CDH13: variants seen among roughly 807,000 people sequenced by gnomAD.
The protein encoded by CDH13 is cadherin-13.
Under a neutral mutation model 63.8 loss-of-function variants are expected in CDH13, and 24 were observed. That is an observed-to-expected ratio of 0.38 (90% CI 0.27 to 0.53). CDH13 has a LOEUF of 0.53. CDH13 is among the 20% of genes least tolerant of loss of function. The pLI is 0.85. For synonymous variants in CDH13, 503 were observed against 355.3 expected, an observed-to-expected ratio of 1.42 and a Z score of -4.67; for missense variants, 1,049 against 903.1, an observed-to-expected ratio of 1.16 and a Z score of -2.07.
intron 6 of CDH13, among the ~76,000 whole-genome samples, chr16:83,419,914 CT>C (rs59585439): frequency 0.045 from 5,496 of 122,656 alleles, 118 homozygotes; most frequent in Middle Eastern, 0.061. Context: ...ATCGTCCAAT[CT>C]TTTTTTTTTT....
At chr16:83,178,584 A>T (rs111236886) in intron 4 of CDH13, among the ~76,000 whole-genome samples, 1 of 152,154 alleles carries the variant, frequency 6.6e-6, no homozygotes, top group Non-Finnish European at 1.5e-5. Flanking sequence ...TTGAAATTCA[A>T]TTTTCCATTT....
chr16:83,212,650 A>T (rs1330651812), intron 4 of CDH13, among the ~76,000 whole-genome samples: 1 of 152,234 alleles, frequency 6.6e-6, no homozygotes, highest in African/African-American at 2.4e-5. Context: ...TCCAAACAGT[A>T]GCGGTGGAAA....
At chr16:83,284,075 C>T (rs915881254) in intron 5 of CDH13, among the ~76,000 whole-genome samples, 1 of 152,188 alleles carries the variant, frequency 6.6e-6, no homozygotes, top group South Asian at 2.1e-4. Flanking sequence ...TGTGTGTTAT[C>T]AAACACAGTA....
chr16:83,399,164 C>G (rs750150033), intron 6 of CDH13, among the ~76,000 whole-genome samples: 1 of 152,198 alleles, frequency 6.6e-6, no homozygotes, highest in Non-Finnish European at 1.5e-5. Context: ...ATTCTGGACT[C>G]AGATCCTGAA....
In CDH13 at chr16:83,368,884, TTATATATA is replaced by T. The variant is rs150563585; in HGVS notation, c.781+23925_781+23932del. On this transcript the variant is annotated intron_variant, in intron 6 of 13. Transcript: ENST00000567109. Reference sequence around the variant, plus strand: ...TATGGCTGAGTAGTAGTATTCCATGTTATATATATATATATATATATATATATATATAT... The same window carrying T: ...TATGGCTGAGTAGTAGTATTCCATGTTATATATATATATATATATATATAT... Among the ~76,000 whole-genome samples, 52 of 47,622 alleles carry T rather than the reference TTATATATA, an allele frequency of 1.1e-3. 1 individual carries two copies. The highest frequency in any genetic ancestry group is 7.5e-3 in the East Asian group (3 of 398). The allele number at this position is 47,622 out of a possible 152,430, so 31.2% of individuals were successfully genotyped here.
At chr16:83,397,246 C>G (rs1359619601) in intron 6 of CDH13, 1 of 152,160 alleles carries the variant, frequency 6.6e-6, no homozygotes, top group African/African-American at 2.4e-5. Flanking sequence ...AGGGGATACA[C>G]CCTCTTAATC....
chr16:83,103,217 T>C (rs1469501280), intron 3 of CDH13, among the ~76,000 whole-genome samples: 1 of 148,694 alleles, frequency 6.7e-6, no homozygotes. Flanking sequence ...CCTCCCAAAG[T>C]ACTGAGATTA....
At chr16:83,497,743 A>G (rs1209383376) in intron 7 of CDH13, among the ~76,000 whole-genome samples, 1 of 152,190 alleles carries the variant, frequency 6.6e-6, no homozygotes, top group East Asian at 1.9e-4. Context: ...GATTTGACCA[A>G]CGGGCCATAG....
chr16:83,482,128 A>C (rs2073783439), intron 6 of CDH13, among the ~76,000 whole-genome samples: 1 of 152,200 alleles, frequency 6.6e-6, no homozygotes, highest in African/African-American at 2.4e-5. Context: ...CACGTTGCTC[A>C]GTTGTTCATT....
intron 4 of CDH13, among the ~76,000 whole-genome samples, chr16:83,185,812 T>G (rs2038499308): frequency 6.6e-6 from 1 of 152,240 alleles, no homozygotes; most frequent in Non-Finnish European, 1.5e-5. Flanking sequence ...TCATTCCACA[T>G]TCTCCTGCCA....
intron 6 of CDH13, among the ~76,000 whole-genome samples, chr16:83,440,141 GA>G (rs1229712165): frequency 1.3e-5 from 2 of 152,120 alleles, no homozygotes; most frequent in African/African-American, 4.8e-5. Flanking sequence ...TGGGGATGGA[GA>G]AAAAGGGAAA....
chr16:83,335,811 G>A (rs1046435306), intron 5 of CDH13, among the ~76,000 whole-genome samples: 1 of 152,058 alleles, frequency 6.6e-6, no homozygotes, highest in East Asian at 1.9e-4. Context: ...AATCGATCAC[G>A]ACCCTCTCAC....
chr16:83,619,081 C>T (rs1054918189), intron 8 of CDH13, among the ~76,000 whole-genome samples: 3 of 152,200 alleles, frequency 2.0e-5, no homozygotes, highest in African/African-American at 4.8e-5. Context: ...TGTGTGCCTG[C>T]GTTTGTGTAT....
chr16:83,079,606 A>G (rs1055191910), intron 3 of CDH13, among the ~76,000 whole-genome samples: 1 of 152,242 alleles, frequency 6.6e-6, no homozygotes, highest in Admixed American at 6.5e-5. Context: ...ATTAGGTGCT[A>G]CTTGGTTCTC....
chr16:83,658,641 C>G (rs1251932786), intron 8 of CDH13, among the ~76,000 whole-genome samples: 1 of 151,254 alleles, frequency 6.6e-6, no homozygotes, highest in Non-Finnish European at 1.5e-5. Flanking sequence ...GTCTCATGTC[C>G]TCACCACCAG....
At chr16:83,440,200 C>A (rs149902908) in intron 6 of CDH13, among the ~76,000 whole-genome samples, 151 of 152,318 alleles carry the variant, frequency 9.9e-4, no homozygotes, top group Middle Eastern at 3.4e-3. Flanking sequence ...AATGTGGCAG[C>A]ATTAGATGTG....
At chr16:83,793,898 T>G (rs1211639306) in intron 13 of CDH13, among the ~76,000 whole-genome samples, 1 of 151,912 alleles carries the variant, frequency 6.6e-6, no homozygotes, top group Non-Finnish European at 1.5e-5. Flanking sequence ...CAGGTGAGCC[T>G]GATATAATCA....
chr16:83,350,376 T>C (rs1245270785), intron 6 of CDH13, among the ~76,000 whole-genome samples: 1 of 152,220 alleles, frequency 6.6e-6, no homozygotes, highest in Admixed American at 6.5e-5. Flanking sequence ...CAAAGATGAA[T>C]GTGGCATTTA....
At chr16:82,771,218 AAT>A (rs1383875020) in intron 1 of CDH13, among the ~76,000 whole-genome samples, 1 of 152,198 alleles carries the variant, frequency 6.6e-6, no homozygotes, top group Non-Finnish European at 1.5e-5. Flanking sequence ...CATTCACTGA[AAT>A]CAAGGTGCTT....
Sources: gnomAD v4.1 joint callset for allele counts (sites outside exome capture counted in the v4.1 genomes callset) on GRCh38, gnomAD v4.1.1 for gene constraint, MANE v1.5 for transcripts, NCBI Gene and HGNC (gene_info 2026-07-23, HGNC 2026-07-21) for gene names.